The following DENND1B variants were observed in gnomAD, a reference collection of about 807,000 sequenced individuals.
DENND1B encodes DENN domain-containing protein 1B.
A neutral mutation model predicts 90.1 loss-of-function variants in DENND1B; 59 were observed. The observed-to-expected ratio is 0.65, with a 90% CI of 0.53 to 0.81. DENND1B has a LOEUF of 0.81. Among genes scored for constraint, DENND1B ranks in the 40% least tolerant of loss-of-function variants. DENND1B has a pLI of 0.00. For missense variants in DENND1B, 862 were observed against 912.6 expected, an observed-to-expected ratio of 0.94 and a Z score of 0.71; for synonymous variants, 337 against 324.6, an observed-to-expected ratio of 1.04 and a Z score of -0.41.
chr1:197,610,270 A>G (rs1187517203), intron 12 of DENND1B, among the ~76,000 whole-genome samples: 2 of 150,754 alleles, frequency 1.3e-5, no homozygotes, highest in Non-Finnish European at 3.0e-5. Flanking sequence ...ATTATTCTCT[A>G]AGACAACACT....
chr1:197,715,428 G>A (rs368198997), intron 2 of DENND1B, among the ~76,000 whole-genome samples: 50 of 151,470 alleles, frequency 3.3e-4, no homozygotes, highest in East Asian at 3.1e-3. Context: ...TTAAAATACT[G>A]GTATTCCTTT....
intron 20 of DENND1B, among the ~76,000 whole-genome samples, chr1:197,536,055 G>C (rs1041828735): frequency 6.6e-6 from 1 of 151,050 alleles, no homozygotes; most frequent in African/African-American, 2.4e-5. Flanking sequence ...ATGGAGAAAA[G>C]AAGAGGAAGA....
chr1:197,764,908 T>C (rs762344609), intron 2 of DENND1B, among the ~76,000 whole-genome samples: 2 of 152,060 alleles, frequency 1.3e-5, no homozygotes, highest in Non-Finnish European at 2.9e-5. Flanking sequence ...ATAATGCTCA[T>C]TGTGAGAATT....
At chr1:197,544,021 T>G (rs574609214) in intron 18 of DENND1B, among the ~76,000 whole-genome samples, 7 of 152,280 alleles carry the variant, frequency 4.6e-5, no homozygotes, top group African/African-American at 1.7e-4. Flanking sequence ...TCCGACCTAT[T>G]GAATTTTAAA....
chr1:197,758,532 G>A (rs1654598629), intron 2 of DENND1B, among the ~76,000 whole-genome samples: 1 of 152,142 alleles, frequency 6.6e-6, no homozygotes, highest in Admixed American at 6.5e-5. Flanking sequence ...GAGATATGCA[G>A]TGCAAATATT....
intron 2 of DENND1B, chr1:197,736,063 G>A (rs1395163750): frequency 4.8e-6 from 4 of 835,826 alleles, no homozygotes; most frequent in Non-Finnish European, 8.0e-6. Context: ...GTAAATGATT[G>A]TGAAGCCCGT....
intron 15 of DENND1B, among the ~76,000 whole-genome samples, chr1:197,569,478 T>G (rs1317691406): frequency 6.6e-6 from 1 of 151,954 alleles, no homozygotes; most frequent in Non-Finnish European, 1.5e-5. Flanking sequence ...CATTACATGT[T>G]CAATACAGCA....
chr1:197,667,642 G>A (rs375041006), intron 5 of DENND1B, among the ~76,000 whole-genome samples: 4 of 151,728 alleles, frequency 2.6e-5, no homozygotes, highest in Admixed American at 6.6e-5. Flanking sequence ...CTCGTAATCC[G>A]CCCGCCTCGG....
chr1:197,776,395 T>A (rs895029387), upstream of DENND1B, among the ~76,000 whole-genome samples: 29 of 152,186 alleles, frequency 1.9e-4, no homozygotes, highest in African/African-American at 5.6e-4. Context: ...ATATTTAGGA[T>A]CTACTGAGAA....
In DENND1B at chr1:197,625,581, C is replaced by T. The variant is rs1439402452; in HGVS notation, c.673-7822G>A. Among the ~76,000 whole-genome samples the T allele has an allele frequency of 9.2e-5, 14 of 152,094 alleles. No homozygotes were observed. In the South Asian group the frequency reaches 2.9e-3, roughly 32 times the overall value. On this transcript the variant is annotated intron_variant, in intron 10 of 22. Coordinates refer to ENST00000620048, the MANE Select transcript of DENND1B (RefSeq NM_001195215.2). ...AATCATGCCAAATTGTAAAGACCAT[C>T]GAGGCTAGGAAGAAACTGCATCAAC...
chr1:197,714,253 G>A (rs1440093653), intron 3 of DENND1B, among the ~76,000 whole-genome samples: 4 of 151,680 alleles, frequency 2.6e-5, no homozygotes, highest in Admixed American at 6.6e-5. Flanking sequence ...GATTACAGGC[G>A]TGAGCCACTG....
intron 15 of DENND1B, among the ~76,000 whole-genome samples, chr1:197,576,590 G>T (rs10922257): frequency 1.3e-5 from 2 of 152,068 alleles, no homozygotes; most frequent in Non-Finnish European, 2.9e-5. Context: ...ACACTGCTAT[G>T]TTGTGATATA....
intron 2 of DENND1B, among the ~76,000 whole-genome samples, chr1:197,721,110 C>T (rs1661134661): frequency 8.0e-6 from 1 of 124,606 alleles, no homozygotes; most frequent in Non-Finnish European, 1.6e-5. Context: ...CACTCCGTTG[C>T]CCAGGCTGGA....
At chr1:197,545,004 C>T (rs770200921) in intron 18 of DENND1B, among the ~76,000 whole-genome samples, 2 of 8,260 alleles carry the variant, frequency 2.4e-4, no homozygotes, top group African/African-American at 3.7e-4. Flanking sequence ...AGAAGGAAGA[C>T]GACGACGACG....
chr1:197,563,548 T>G (rs1431474221), intron 15 of DENND1B, among the ~76,000 whole-genome samples: 1 of 151,920 alleles, frequency 6.6e-6, no homozygotes, highest in Admixed American at 6.6e-5. Context: ...TTTCAAAACA[T>G]GACTGCTTAC....
At chr1:197,617,411 T>G (rs1236747094) in intron 11 of DENND1B, among the ~76,000 whole-genome samples, 2 of 151,102 alleles carry the variant, frequency 1.3e-5, no homozygotes, top group Admixed American at 1.3e-4. Flanking sequence ...TATTTTGCAT[T>G]GAGTTATCTA....
chr1:197,724,643 G>A (rs947883244), intron 2 of DENND1B, among the ~76,000 whole-genome samples: 1 of 152,106 alleles, frequency 6.6e-6, no homozygotes, highest in Non-Finnish European at 1.5e-5. Context: ...CAGACACAAA[G>A]AATGGAATTA....
rs1397434569 is a variant in DENND1B at position 197,617,761 on chromosome 1, T to C, written c.673-2A>G. ...TGATCCATGGATACAGGCAGTTAAC[T>C]GAAATTTGTAAAAGGATAACAAAAA... On this transcript the variant is annotated splice_acceptor_variant, in intron 10 of 22. Transcript: ENST00000620048. LOFTEE classifies it high-confidence loss of function. 1.9e-6 allele frequency: 3 copies of C among 1,604,326 alleles called. No individual in the cohort carries two copies. The highest frequency in any genetic ancestry group is 1.3e-5 in the African/African-American group (1 of 74,348).
chr1:197,657,633 T>C (rs1413718660), intron 6 of DENND1B, among the ~76,000 whole-genome samples: 2 of 152,170 alleles, frequency 1.3e-5, no homozygotes, highest in African/African-American at 4.8e-5. Flanking sequence ...TGTACATTAC[T>C]GATGGGAATG....
Sources: allele counts gnomAD v4.1 joint callset (sites outside exome capture counted in the v4.1 genomes callset), GRCh38; gene constraint gnomAD v4.1.1; transcripts MANE v1.5; gene names NCBI Gene and HGNC (gene_info 2026-07-23, HGNC 2026-07-21).